The following LANCL2 variants were observed in gnomAD, a reference collection of about 807,000 sequenced individuals.
LANCL2 encodes lanC-like protein 2.
A neutral mutation model predicts 56.9 loss-of-function variants in LANCL2; 33 were observed. The ratio of observed to expected loss-of-function variants is 0.58; its 90% CI spans 0.44 to 0.78. LANCL2 has a LOEUF of 0.78. Among genes scored for constraint, LANCL2 ranks in the 30% least tolerant of loss-of-function variants. The pLI, the probability that LANCL2 is intolerant of heterozygous loss-of-function variation, is 0.00. For missense variants in LANCL2, 562 were observed against 580.2 expected (o/e 0.97, Z 0.32); for synonymous variants, 233 against 228.2 (o/e 1.02, Z -0.19).
intron 6 of LANCL2, among the ~76,000 whole-genome samples, chr7:55,419,408 TTTTTTTTTTTG>T (rs1197038656): frequency 6.7e-6 from 1 of 150,106 alleles, no homozygotes; most frequent in East Asian, 1.9e-4. Context: ...TCCTTTTTTT[TTTTTTTTTTTG>T]GAGATAGAAT....
At chr7:55,402,998 G>A (rs1291538975) in intron 5 of LANCL2, among the ~76,000 whole-genome samples, 1 of 151,840 alleles carries the variant, frequency 6.6e-6, no homozygotes, top group African/African-American at 2.4e-5. Flanking sequence ...CAGACGATGG[G>A]CGGCCAGGCA....
intron 5 of LANCL2, among the ~76,000 whole-genome samples, chr7:55,408,668 CAAAAAA>C (rs1190768725): frequency 1.5e-5 from 2 of 135,974 alleles, no homozygotes; most frequent in Admixed American, 1.5e-4. Flanking sequence ...GACCCTGTCT[CAAAAAA>C]AAAGAAAAAA....
At chr7:55,403,177 C>T (rs1790362243) in intron 5 of LANCL2, among the ~76,000 whole-genome samples, 1 of 152,280 alleles carries the variant, frequency 6.6e-6, no homozygotes, top group East Asian at 1.9e-4. Context: ...GAACGCGACT[C>T]CGTCTGCCAT....
At chr7:55,413,048 A>C (rs1230349129) in intron 6 of LANCL2, among the ~76,000 whole-genome samples, 1 of 152,258 alleles carries the variant, frequency 6.6e-6, no homozygotes, top group Non-Finnish European at 1.5e-5. Context: ...AACAATACCA[A>C]AATATTCAAA....
rs184365206 is a variant in LANCL2 at position 55,396,248 on chromosome 7, G to C, written c.323-2175G>C. Among the ~76,000 whole-genome samples the C allele has an allele frequency of 5.7e-3, 869 of 152,210 alleles. 5 individuals carry two copies. Among genetic ancestry groups the C allele is most frequent in the African/African-American group, 0.018 (762 of 41,536 alleles). ...AACTTTACCTCTAGGAGCTCCACCA[G>C]GTCTTCATGGTGAGTATCAGAGACA... On this transcript the variant is annotated intron_variant, in intron 2 of 8. Transcript: ENST00000254770.
At chr7:55,402,534 C>T (rs1183068940) in intron 5 of LANCL2, among the ~76,000 whole-genome samples, 48 of 138,468 alleles carry the variant, frequency 3.5e-4, no homozygotes, top group African/African-American at 9.3e-4. Flanking sequence ...CCGGATGGGG[C>T]GGCTTGCCGG....
intron 6 of LANCL2, among the ~76,000 whole-genome samples, chr7:55,423,243 G>T (rs1790627824): frequency 6.6e-6 from 1 of 152,246 alleles, no homozygotes; most frequent in Non-Finnish European, 1.5e-5. Flanking sequence ...GCAGGAGTGG[G>T]CATGGTAGGC....
intron 6 of LANCL2, among the ~76,000 whole-genome samples, chr7:55,422,498 C>T (rs1337479350): frequency 6.6e-6 from 1 of 152,156 alleles, no homozygotes; most frequent in African/African-American, 2.4e-5. Flanking sequence ...TTGTATTTAT[C>T]GTGCTTAAGA....
At chr7:55,391,110 G>A (rs1043879951) in intron 1 of LANCL2, among the ~76,000 whole-genome samples, 6 of 148,172 alleles carry the variant, frequency 4.0e-5, no homozygotes, top group African/African-American at 7.5e-5. Flanking sequence ...TCCGCCTCCC[G>A]GGTTCACGCC....
rs1790693372 is a variant in LANCL2 at position 55,428,515 on chromosome 7, G to A, written c.1258+68G>A. The A allele has an allele frequency of 1.2e-5, 15 of 1,252,346 alleles. No homozygotes were observed. In the East Asian group the frequency reaches 3.5e-4, roughly 29 times the overall value. 77.6% of individuals were successfully genotyped at this position (1,252,346 alleles called of 1,614,324 possible). A position where few individuals can be genotyped will look rare whatever the true frequency, so the allele number is the denominator to read the frequency against. On this transcript the variant is annotated intron_variant, in intron 8 of 8. Coordinates refer to ENST00000254770, the MANE Select transcript of LANCL2 (RefSeq NM_018697.4). ...ATTGGTTCTCCTGCCCTTGTGGACT[G>A]GCACTGTTCATATTTGACCTGGCTC...
At chr7:55,409,691 A>G (rs927072818) in intron 5 of LANCL2, among the ~76,000 whole-genome samples, 2 of 152,186 alleles carry the variant, frequency 1.3e-5, no homozygotes, top group African/African-American at 4.8e-5. Context: ...GAAAGCAGCC[A>G]ATTATGGAGA....
chr7:55,419,089 GT>G (rs1228195884), intron 6 of LANCL2, among the ~76,000 whole-genome samples: 10 of 151,698 alleles, frequency 6.6e-5, no homozygotes, highest in Non-Finnish European at 1.5e-4. Flanking sequence ...TAAAATCTTT[GT>G]TTTTATTAGG....
intron 1 of LANCL2, among the ~76,000 whole-genome samples, chr7:55,376,512 C>T (rs1384356984): frequency 1.3e-5 from 2 of 152,160 alleles, no homozygotes; most frequent in East Asian, 3.9e-4. Flanking sequence ...ACCAGGAAGC[C>T]CCCTGACGGG....
Position 55,398,324 on chromosome 7 carries a change from T to G in LANCL2, c.323-99T>G, listed in dbSNP as rs80198899. 969 of 848,280 alleles carry G rather than the reference T, an allele frequency of 1.1e-3. 12 individuals are homozygous for G. The African/African-American group carries it at 0.015, about 13-fold the overall frequency. 52.5% of individuals were successfully genotyped at this position (848,280 alleles called of 1,614,324 possible). A position where few individuals can be genotyped will look rare whatever the true frequency, so the allele number is the denominator to read the frequency against. ...GTGTTACCCGTTTGGAAACATAGATTTATGTAGAAGAAGGTATTTCATGTA... is the reference window on the plus strand; with the variant it reads ...GTGTTACCCGTTTGGAAACATAGATGTATGTAGAAGAAGGTATTTCATGTA... On this transcript the variant is annotated intron_variant, in intron 2 of 8. Coordinates refer to ENST00000254770, the MANE Select transcript of LANCL2 (RefSeq NM_018697.4).
intron 3 of LANCL2, 49 bp from the exon 4 acceptor site, chr7:55,399,908 A>C: frequency 1.3e-6 from 2 of 1,504,970 alleles, no homozygotes; most frequent in Non-Finnish European, 1.8e-6. Flanking sequence ...TTCAGGAAGA[A>C]GTACTTTAGA....
intron 1 of LANCL2, among the ~76,000 whole-genome samples, chr7:55,390,591 C>T (rs761329446): frequency 4.0e-5 from 6 of 151,570 alleles, no homozygotes; most frequent in East Asian, 3.9e-4. Context: ...GGGTGACGAG[C>T]GAAACTCTGT....
intron 1 of LANCL2, among the ~76,000 whole-genome samples, chr7:55,376,072 G>C (rs1789996864): frequency 6.6e-6 from 1 of 152,098 alleles, no homozygotes; most frequent in African/African-American, 2.4e-5. Context: ...CTATTTTGTG[G>C]TCTGTGACCT....
rs758630421 is a variant in LANCL2, at chr7:55,366,105, C to A, written c.80C>A (p.Pro27His). 1.9e-5 allele frequency: 29 copies of A among 1,543,802 alleles called. No individual in the cohort carries two copies. In the East Asian group the frequency reaches 6.6e-4, roughly 35 times the overall value. Reference protein sequence around the residue: ...AEMEERAFVNPFPDYEAAAGA... With the variant: ...AEMEERAFVNHFPDYEAAAGA... ...ATGGAGGAACGGGCGTTCGTCAACCCCTTCCCGGACTACGAGGCCGCCGCC... is the reference window on the plus strand; with the variant it reads ...ATGGAGGAACGGGCGTTCGTCAACCACTTCCCGGACTACGAGGCCGCCGCC... The change falls in exon 1 of 9, where the codon CCC becomes CAC. Residue 27 changes from proline to histidine, a missense_variant. By Grantham distance (77) the Pro-to-His change is moderately conservative. Coordinates refer to ENST00000254770, the MANE Select transcript of LANCL2 (RefSeq NM_018697.4).
At chr7:55,380,851 C>T (rs1440935576) in intron 1 of LANCL2, among the ~76,000 whole-genome samples, 1 of 145,836 alleles carries the variant, frequency 6.9e-6, no homozygotes, top group East Asian at 2.0e-4. Flanking sequence ...AGTGCATGAT[C>T]AGAGGAGGAG....
Sources: gnomAD v4.1 joint callset for allele counts (sites outside exome capture counted in the v4.1 genomes callset) on GRCh38, gnomAD v4.1.1 for gene constraint, MANE v1.5 for transcripts, NCBI Gene and HGNC (gene_info 2026-07-23, HGNC 2026-07-21) for gene names.